PALM3: variants seen among roughly 807,000 people sequenced by gnomAD.
PALM3 encodes the protein paralemmin 3.
A neutral mutation model predicts 27.9 loss-of-function variants in PALM3; 20 were observed. The observed-to-expected ratio is 0.72, with a 90% CI of 0.50 to 1.04. PALM3 has a LOEUF of 1.04. PALM3 is among the 50% of genes least tolerant of loss of function. The pLI is 0.00. For missense variants in PALM3, 814 were observed against 869.4 expected (o/e 0.94, Z 0.80); for synonymous variants, 328 against 352.7 (o/e 0.93, Z 0.79).
Position 14,054,390 on chromosome 19 carries a change from C to T in PALM3, c.1282G>A (p.Gly428Arg). ...GIGSEEKPGTGRDEAEMSPVV... is the reference protein window; with the variant it reads ...GIGSEEKPGTRRDEAEMSPVV... ...GGTGACATCTCCGCTTCATCCCTCC[C>T]TGTCCCTGGCTTTTCCTCACTTCCT... Residue 428 changes from glycine to arginine, a missense_variant, in exon 7 of 7, where the codon GGG becomes AGG. Coordinates refer to ENST00000669674, the MANE Select transcript of PALM3 (RefSeq NM_001145028.2). The T allele has an allele frequency of 1.3e-6, 2 of 1,552,104 alleles. No homozygotes were observed. The highest frequency in any genetic ancestry group is 1.7e-6 in the Non-Finnish European group (2 of 1,147,030).
chr19:14,058,971 G>C (rs1026315286), intron 2 of PALM3, 144 bp downstream of exon 2: 1 of 650,080 alleles, frequency 1.5e-6, no homozygotes, highest in Non-Finnish European at 2.4e-6. Context: ...GGAACTGGGG[G>C]GCAGAGGGGG....
chr19:14,054,025 C>A lies in PALM3; in HGVS notation c.1647G>T (p.Thr549=), dbSNP rs1254886411. ...CTTGTTCTAGATTCAGATCTCCCTC[C>A]GTCCCTTGGGTCTTCTCTGTCTCCA... ...ESLETEKTQG[T]EGDLNLEQGS... Residue 549 remains threonine (T), a synonymous_variant, in exon 7 of 7, where the codon ACG becomes ACT. Transcript: ENST00000669674. 6.4e-7 allele frequency: 1 copy of A among 1,551,752 alleles called. No homozygotes were observed. Among genetic ancestry groups the A allele is most frequent in the Non-Finnish European group, 8.7e-7 (1 of 1,146,990 alleles).
chr19:14,055,606 C>T (rs891601508), intron 5 of PALM3, among the ~76,000 whole-genome samples, 181 bp from the exon 6 acceptor site: 2 of 152,122 alleles, frequency 1.3e-5, no homozygotes, highest in Non-Finnish European at 2.9e-5. Context: ...TGTTCCAGGG[C>T]CTTGCACACA....
At position 14,056,819 on chromosome 19, in the gene PALM3, G is replaced by A. The variant is rs1976314017; in HGVS notation, c.172-15C>T. 2 of 1,537,814 alleles carry A rather than the reference G, an allele frequency of 1.3e-6. No homozygotes were observed. Among genetic ancestry groups the A allele is most frequent in the Non-Finnish European group, 1.8e-6 (2 of 1,140,398 alleles). Reference sequence around the variant, plus strand: ...AGAGACTTCCTCTGGGCAGGGGAAGGGAGTTGGGGCTGGGCATACAGACTA... The same window carrying A: ...AGAGACTTCCTCTGGGCAGGGGAAGAGAGTTGGGGCTGGGCATACAGACTA... On this transcript the variant is annotated splice_polypyrimidine_tract_variant and intron_variant, in intron 3 of 6. Transcript: ENST00000669674.
At chr19:14,056,139 C>T (rs1976300153) in intron 5 of PALM3, among the ~76,000 whole-genome samples, 1 of 152,208 alleles carries the variant, frequency 6.6e-6, no homozygotes, top group Non-Finnish European at 1.5e-5. Context: ...CAATTCCTAA[C>T]CTTAAGTGAT....
At position 14,055,088 on chromosome 19, in the gene PALM3, G is replaced by A; in HGVS notation, c.584C>T (p.Ser195Phe). The A allele has an allele frequency of 6.4e-7, 1 of 1,551,608 alleles. No individual in the cohort carries two copies. The highest frequency in any genetic ancestry group is 8.7e-7 in the Non-Finnish European group (1 of 1,146,992). Residue 195 changes from serine to phenylalanine, a missense_variant, in exon 7 of 7, where the codon TCC (serine) becomes TTC (phenylalanine). Physicochemically the swap from Ser to Phe is radical, Grantham distance 155 (BLOSUM62 -2). Coordinates refer to ENST00000669674, the MANE Select transcript of PALM3 (RefSeq NM_001145028.2). ...GGGGCATGGGCCATTGGCTTCTGAG[G>A]AGTCTCCTGCTGCCCCGGGGACCTG... Reference protein sequence around the residue: ...PRQVPGAAGDSSEANGPCPSP... With the variant: ...PRQVPGAAGDFSEANGPCPSP...
intron 1 of PALM3, among the ~76,000 whole-genome samples, chr19:14,061,607 CA>C (rs1318527003): frequency 3.3e-5 from 5 of 152,116 alleles, no homozygotes; most frequent in African/African-American, 1.2e-4. Context: ...ACTTTAGGGG[CA>C]AAACGTGGAA....
Position 14,059,168 on chromosome 19 carries a change from TG to T in PALM3, c.42-6del. The T allele has an allele frequency of 6.9e-7, 1 of 1,445,938 alleles. No individual in the cohort carries two copies. Among genetic ancestry groups the T allele is most frequent in the South Asian group, 1.4e-5 (1 of 70,338 alleles). 89.6% of individuals were successfully genotyped at this position (1,445,938 alleles called of 1,614,324 possible). The stretch of plus-strand genomic sequence containing the variant: ...AGGGAGCTCTCCGCCATGGGCCTGT[TG>T]GGAGAGGGCAGGGGCTTCGAGGGGC... On this transcript the variant is annotated splice_polypyrimidine_tract_variant and splice_region_variant and intron_variant, in intron 1 of 6. Transcript: ENST00000669674.
chr19:14,060,816 A>G (rs1976401811), intron 1 of PALM3, among the ~76,000 whole-genome samples: 1 of 152,068 alleles, frequency 6.6e-6, no homozygotes, highest in East Asian at 1.9e-4. Context: ...GCTGGAGTGC[A>G]ATGGCTCAAT....
At position 14,055,107 on chromosome 19, in the gene PALM3, G is replaced by C; in HGVS notation, c.565C>G (p.Pro189Ala). The change falls in exon 7 of 7, where the codon CCC (proline) becomes GCC (alanine). Residue 189 changes from proline (P) to alanine (A), a missense_variant. By Grantham distance (27) the Pro-to-Ala change is conservative. Coordinates refer to ENST00000669674, the MANE Select transcript of PALM3 (RefSeq NM_001145028.2). ...LGFLPGPRQV[P>A]GAAGDSSEAN... ...TCTGAGGAGTCTCCTGCTGCCCCGGGGACCTGCCTCGGGCCTGGCAGAAAC... is the reference window on the plus strand; with the variant it reads ...TCTGAGGAGTCTCCTGCTGCCCCGGCGACCTGCCTCGGGCCTGGCAGAAAC... 4 of 1,551,594 alleles carry C rather than the reference G, an allele frequency of 2.6e-6. No homozygotes were observed. The highest frequency in any genetic ancestry group is 2.6e-6 in the Non-Finnish European group (3 of 1,146,978).
Position 14,054,410 on chromosome 19 carries a change from C to G in PALM3, c.1262G>C (p.Ser421Thr), listed in dbSNP as rs200117429. The G allele has an allele frequency of 1.4e-4, 211 of 1,551,812 alleles. No homozygotes were observed. Among genetic ancestry groups the G allele is most frequent in the Non-Finnish European group, 2.4e-5 (27 of 1,147,008 alleles). The change falls in exon 7 of 7, where the codon AGT becomes ACT. Residue 421 changes from serine (S) to threonine (T), a missense_variant. By Grantham distance (58) the Ser-to-Thr change is moderately conservative. Transcript: ENST00000669674. ...CCTCCCTGTCCCTGGCTTTTCCTCACTTCCTATTCCCATGGATTCTTCCGC... is the reference window on the plus strand; with the variant it reads ...CCTCCCTGTCCCTGGCTTTTCCTCAGTTCCTATTCCCATGGATTCTTCCGC... Reference protein sequence around the residue: ...RKAEESMGIGSEEKPGTGRDE... With the variant: ...RKAEESMGIGTEEKPGTGRDE...
intron 5 of PALM3, 22 bp from the exon 6 acceptor site, chr19:14,055,447 G>A: frequency 6.4e-7 from 1 of 1,550,942 alleles, no homozygotes; most frequent in South Asian, 1.2e-5. Flanking sequence ...GCGGAGACAA[G>A]GTCAGGCTGG....
In PALM3 at chr19:14,056,428, C is replaced by A; in HGVS notation, c.399+1G>T. 1.3e-6 allele frequency: 2 copies of A among 1,549,944 alleles called. No homozygotes were observed. Among genetic ancestry groups the A allele is most frequent in the Non-Finnish European group, 1.7e-6 (2 of 1,145,518 alleles). On this transcript the variant is annotated splice_donor_variant, in intron 5 of 6. Coordinates refer to ENST00000669674, the MANE Select transcript of PALM3 (RefSeq NM_001145028.2). LOFTEE classifies it high-confidence loss of function. ...TCCCACTCCCCTGATTCCCCCCTCA[C>A]CTGTCTGCGCCAGCTGGGCCTGCCT... is the stretch of plus-strand genomic sequence containing the variant.
rs1976261635 is a variant in PALM3 at position 14,054,565 on chromosome 19, C to T, written c.1107G>A (p.Glu369=). 1 of 1,551,988 alleles carries T rather than the reference C, an allele frequency of 6.4e-7. No individual in the cohort carries two copies. ...CTTCCAACCCCTCCACCAGCAGCTC[C>T]TCCCACTCTTCACTGAGGGTCACTC... The part of the protein sequence containing the change: ...VERVTLSEEW[E]ELLVEGLEGP... Residue 369 remains glutamate (E), a synonymous_variant, in exon 7 of 7, where the codon GAG becomes GAA. Coordinates refer to ENST00000669674, the MANE Select transcript of PALM3 (RefSeq NM_001145028.2).
At position 14,054,271 on chromosome 19, in the gene PALM3, T is replaced by C. The variant is rs1461823414; in HGVS notation, c.1401A>G (p.Glu467=). The C allele has an allele frequency of 2.8e-5, 44 of 1,551,914 alleles. No individual in the cohort carries two copies. The highest frequency in any genetic ancestry group is 3.4e-5 in the Non-Finnish European group (39 of 1,147,082). ...KLGTEREGGE[E]PLGIERKVEG... ...CAACTTTTCTCTCTATGCCCAGTGG[T>C]TCCTCACCTCCTTCCCTCTCTGTTC... Residue 467 remains glutamate (E), a synonymous_variant, in exon 7 of 7, where the codon GAA becomes GAG. Coordinates refer to ENST00000669674, the MANE Select transcript of PALM3 (RefSeq NM_001145028.2).
chr19:14,056,780 G>A lies in PALM3; in HGVS notation c.196C>T (p.Leu66=), dbSNP rs1372280275. 4 of 1,550,714 alleles carry A rather than the reference G, an allele frequency of 2.6e-6. No homozygotes were observed. Among genetic ancestry groups the A allele is most frequent in the East Asian group, 4.9e-5 (2 of 40,916 alleles). The stretch of plus-strand genomic sequence containing the variant: ...GGCACTGCAGCTGCCCCATCCATTA[G>A]CCAACGTTCCCGGAGAGACTTCCTC... ...LKRKSLRERW[L]MDGAAAVPEP... Residue 66 remains leucine (L), a synonymous_variant, in exon 4 of 7, where the codon CTA becomes TTA. Coordinates refer to ENST00000669674, the MANE Select transcript of PALM3 (RefSeq NM_001145028.2).
Position 14,054,998 on chromosome 19 carries a change from C to A in PALM3, c.674G>T (p.Gly225Val). The change falls in exon 7 of 7, where the codon GGT (glycine) becomes GTT (valine). Residue 225 changes from glycine to valine, a missense_variant. Coordinates refer to ENST00000669674, the MANE Select transcript of PALM3 (RefSeq NM_001145028.2). ...CACCACGCCCCCTCCTTTGGCCTCA[C>A]CCACCCGCCCTTCGGATGGCACTGC... ...QRAVPSEGRVGEAKGGGVVSV... is the reference protein window; with the variant it reads ...QRAVPSEGRVVEAKGGGVVSV... The A allele has an allele frequency of 3.2e-6, 5 of 1,548,462 alleles. No homozygotes were observed. The highest frequency in any genetic ancestry group is 4.4e-6 in the Non-Finnish European group (5 of 1,145,352).
rs1270542952 is a variant in PALM3, at chr19:14,056,693, G to A, written c.283C>T (p.Arg95Ter). The change falls in exon 4 of 7, where the codon CGA (arginine) becomes TGA (stop). Residue 95 changes from arginine (R) to a stop codon, truncating the protein, a stop_gained. Coordinates refer to ENST00000669674, the MANE Select transcript of PALM3 (RefSeq NM_001145028.2). LOFTEE classifies it high-confidence loss of function. ...PQSPEGQAQA[R>*]IRNLEDSLFT... ...AAACTGTCTTCCAGGTTCCGGATTC[G>A]GGCCTGAGCCTGGCCCTCGGGTGAC... 8 of 1,551,598 alleles carry A rather than the reference G, an allele frequency of 5.2e-6. No individual in the cohort carries two copies. The highest frequency in any genetic ancestry group is 1.4e-5 in the African/African-American group (1 of 73,052).
chr19:14,060,284 T>C (rs950288235), intron 1 of PALM3, among the ~76,000 whole-genome samples: 6 of 152,162 alleles, frequency 3.9e-5, no homozygotes, highest in East Asian at 1.9e-4. Flanking sequence ...TTAGCACTTA[T>C]AGTGCTATAT....
Sources: allele counts gnomAD v4.1 joint callset (sites outside exome capture counted in the v4.1 genomes callset), GRCh38; gene constraint gnomAD v4.1.1; transcripts MANE v1.5; gene names NCBI Gene and HGNC (gene_info 2026-07-23, HGNC 2026-07-21).